Variants in LARGE1 observed in about 807,000 individuals in gnomAD.
The protein encoded by LARGE1 is xylosyl- and glucuronyltransferase LARGE1.
In LARGE1, 43 loss-of-function variants were observed where a neutral mutation model predicts 87.6. The ratio of observed to expected loss-of-function variants is 0.49; its 90% CI spans 0.38 to 0.63. The LOEUF is 0.63. LARGE1 is among the 30% of genes least tolerant of loss of function. The probability of loss-of-function intolerance (pLI) is 0.00; values close to 1 mark genes in which losing one functional copy is unlikely to be tolerated. For synonymous variants in LARGE1, 434 were observed against 394.6 expected, an observed-to-expected ratio of 1.10 and a Z score of -1.18; for missense variants, 802 against 1,000.2, an observed-to-expected ratio of 0.80 and a Z score of 2.67.
rs1488971717 is a variant in LARGE1, at chr22:33,441,201, G to A, written c.788-8936C>T. Among the ~76,000 whole-genome samples, 7 of 150,400 alleles carry A rather than the reference G, an allele frequency of 4.7e-5. No individual in the cohort carries two copies. In the South Asian group the frequency reaches 1.3e-3, roughly 27 times the overall value. On this transcript the variant is annotated intron_variant, in intron 6 of 14. Transcript: ENST00000397394. ...CGATTCTCCTGTCTCAGCCTCCCGAGTAGCTGGGATTACAGGTGCTTGCCG... is the reference window on the plus strand; with the variant it reads ...CGATTCTCCTGTCTCAGCCTCCCGAATAGCTGGGATTACAGGTGCTTGCCG...
intron 6 of LARGE1, among the ~76,000 whole-genome samples, chr22:33,432,568 C>CATTA (rs2067116198): frequency 7.6e-6 from 1 of 131,810 alleles, no homozygotes; most frequent in Admixed American, 7.0e-5. Flanking sequence ...CCAAATCATT[C>CATTA]ATTCATTCAT....
intron 1 of LARGE1, among the ~76,000 whole-genome samples, chr22:33,828,185 T>G (rs1268720336): frequency 6.6e-6 from 1 of 152,148 alleles, no homozygotes; most frequent in Non-Finnish European, 1.5e-5. Context: ...GTAGGACAGA[T>G]GGGGTAATTC....
At chr22:33,260,083 G>C (rs1927539712) in intron 11 of LARGE1, among the ~76,000 whole-genome samples, 1 of 152,090 alleles carries the variant, frequency 6.6e-6, no homozygotes, top group African/African-American at 2.4e-5. Flanking sequence ...ACACCAAAGA[G>C]CCCACTGAAA....
At chr22:33,432,363 C>T in intron 6 of LARGE1, 98 bp from the exon 7 acceptor site, 1 of 858,508 alleles carries the variant, frequency 1.2e-6, no homozygotes, top group South Asian at 1.4e-5. Context: ...ATCATCACAA[C>T]AACAGTATTC....
At chr22:33,453,598 G>A (rs1203524489) in intron 6 of LARGE1, among the ~76,000 whole-genome samples, 2 of 152,086 alleles carry the variant, frequency 1.3e-5, no homozygotes, top group East Asian at 3.9e-4. Flanking sequence ...GAAAAGCCAG[G>A]TCCTCTGCGT....
intron 2 of LARGE1, among the ~76,000 whole-genome samples, chr22:33,695,485 A>G (rs1429552004): frequency 6.6e-6 from 1 of 152,206 alleles, no homozygotes; most frequent in Non-Finnish European, 1.5e-5. Context: ...TTTTATTATG[A>G]AAAATTCCAA....
At chr22:33,138,532 C>T in the LARGE1 span, among the ~76,000 whole-genome samples, 1 of 152,064 alleles carries the variant, frequency 6.6e-6, no homozygotes, top group Non-Finnish European at 1.5e-5. Context: ...CAACCTCCAC[C>T]TGCTAGGTTC....
intron 1 of LARGE1, among the ~76,000 whole-genome samples, chr22:33,854,295 T>C (rs2063695793): frequency 6.9e-6 from 1 of 145,030 alleles, no homozygotes; most frequent in Non-Finnish European, 1.5e-5. Flanking sequence ...TTGTTAAATA[T>C]AAAACAAATT....
the LARGE1 span, among the ~76,000 whole-genome samples, chr22:33,151,707 C>T: frequency 6.6e-6 from 1 of 152,160 alleles, no homozygotes; most frequent in Non-Finnish European, 1.5e-5. Context: ...AACTATGAGA[C>T]TTTTCTTCTT....
intron 1 of LARGE1, among the ~76,000 whole-genome samples, chr22:33,916,617 T>C (rs1029639205): frequency 6.6e-6 from 1 of 152,170 alleles, no homozygotes; most frequent in African/African-American, 2.4e-5. Context: ...GGTGTGTCAG[T>C]GGCAGGGTGT....
At chr22:33,391,156 T>C (rs1401752627) in intron 7 of LARGE1, among the ~76,000 whole-genome samples, 1 of 152,164 alleles carries the variant, frequency 6.6e-6, no homozygotes, top group East Asian at 1.9e-4. Context: ...CTATAACCAA[T>C]ATCCTCACAT....
intron 6 of LARGE1, among the ~76,000 whole-genome samples, chr22:33,457,390 G>T (rs1255875592): frequency 6.9e-6 from 1 of 143,978 alleles, no homozygotes; most frequent in Non-Finnish European, 1.5e-5. Context: ...GACCTCAAGT[G>T]ATTCATCTGC....
chr22:33,647,435 C>T (rs545046201), intron 3 of LARGE1, among the ~76,000 whole-genome samples: 3 of 152,322 alleles, frequency 2.0e-5, no homozygotes, highest in African/African-American at 7.2e-5. Context: ...CCCACCTTAA[C>T]ACTTCTTTCC....
At chr22:33,886,656 C>CA (rs869173776) in intron 1 of LARGE1, among the ~76,000 whole-genome samples, 10,099 of 33,782 alleles carry the variant, frequency 0.3, 1,837 homozygotes, top group Non-Finnish European at 0.34. Context: ...GAGATTCTGC[C>CA]AAAAAAAAAA....
the LARGE1 span, among the ~76,000 whole-genome samples, chr22:33,096,904 G>A: frequency 6.6e-6 from 1 of 152,206 alleles, no homozygotes; most frequent in African/African-American, 2.4e-5. Context: ...CTATTGACTC[G>A]ATGACTGGAT....
At chr22:33,886,527 A>G (rs1372706088) in intron 1 of LARGE1, among the ~76,000 whole-genome samples, 7 of 151,968 alleles carry the variant, frequency 4.6e-5, no homozygotes, top group Non-Finnish European at 1.0e-4. Context: ...AAATAGAAAA[A>G]TTAGCAGGGC....
At chr22:33,181,330 T>C (rs967529600) in intron 11 of LARGE1, among the ~76,000 whole-genome samples, 3 of 152,184 alleles carry the variant, frequency 2.0e-5, no homozygotes, top group Non-Finnish European at 4.4e-5. Context: ...GATAATATTC[T>C]ATTTTTATGT....
At chr22:33,340,444 C>T (rs927134079) in intron 9 of LARGE1, among the ~76,000 whole-genome samples, 1 of 151,850 alleles carries the variant, frequency 6.6e-6, no homozygotes, top group Non-Finnish European at 1.5e-5. Context: ...AATCACACAC[C>T]ATCAAAAACA....
Position 33,416,481 on chromosome 22 carries a change from C to T in LARGE1, c.892+15680G>A, listed in dbSNP as rs567129528. On this transcript the variant is annotated intron_variant, in intron 7 of 14. Coordinates refer to ENST00000397394, the MANE Select transcript of LARGE1 (RefSeq NM_133642.5). ...GACTCCTCCATCATAGTGCAGGCCA[C>T]ATTGCATTTCACTGTCCTTAATCTT... Among the ~76,000 whole-genome samples the T allele has an allele frequency of 2.0e-5, 3 of 152,208 alleles. No homozygotes were observed. The South Asian group carries it at 6.2e-4, about 32-fold the overall frequency.
Sources: allele counts gnomAD v4.1 joint callset (sites outside exome capture counted in the v4.1 genomes callset), GRCh38; gene constraint gnomAD v4.1.1; transcripts MANE v1.5; gene names NCBI Gene and HGNC (gene_info 2026-07-23, HGNC 2026-07-21).